The following LHFPL7 variants were observed in gnomAD, a reference collection of about 807,000 sequenced individuals.
The protein encoded by LHFPL7 is LHFPL tetraspan subfamily member 7, also known as LHFPL tetraspan subfamily member 7 protein.
At chr22:24,942,643 G>A in the LHFPL7 span, among the ~76,000 whole-genome samples, 1 of 152,218 alleles carries the variant, frequency 6.6e-6, no homozygotes, top group Admixed American at 6.5e-5. Context: ...CCTGGTGCGG[G>A]ACCTGGGGCA....
chr22:24,939,578 A>G, the LHFPL7 span: 1 of 701,510 alleles, frequency 1.4e-6, no homozygotes, highest in Non-Finnish European at 2.6e-6. Context: ...GAAGATTACT[A>G]ATGGAGACTG....
At chr22:24,945,469 T>C in the LHFPL7 span, among the ~76,000 whole-genome samples, 1 of 152,186 alleles carries the variant, frequency 6.6e-6, no homozygotes, top group Non-Finnish European at 1.5e-5. Context: ...AAGGTCAAGC[T>C]GATCAGATTT....
the LHFPL7 span, among the ~76,000 whole-genome samples, chr22:24,945,692 C>T: frequency 6.6e-6 from 1 of 152,226 alleles, no homozygotes; most frequent in South Asian, 2.1e-4. Context: ...CACAGCTCCA[C>T]ACCATGAAAA....
At chr22:24,943,651 T>C in the LHFPL7 span, among the ~76,000 whole-genome samples, 1 of 152,198 alleles carries the variant, frequency 6.6e-6, no homozygotes, top group Non-Finnish European at 1.5e-5. Context: ...CTGAGACTCA[T>C]ACTTTGGGAA....
chr22:24,945,933 C>G, the LHFPL7 span, among the ~76,000 whole-genome samples: 1 of 152,246 alleles, frequency 6.6e-6, no homozygotes, highest in East Asian at 1.9e-4. Flanking sequence ...TGTAACGGCT[C>G]TGAGCCTCAG....
the LHFPL7 span, chr22:24,935,577 C>T: frequency 6.2e-7 from 1 of 1,612,056 alleles, no homozygotes; most frequent in Admixed American, 1.7e-5. Flanking sequence ...AATCAGCAGA[C>T]CCACAATCAT....
the LHFPL7 span, among the ~76,000 whole-genome samples, chr22:24,937,812 G>T: frequency 6.6e-6 from 1 of 152,208 alleles, no homozygotes; most frequent in African/African-American, 2.4e-5. Flanking sequence ...GTTCTCAGCT[G>T]GGCATGCTTG....
chr22:24,941,380 G>A, the LHFPL7 span, among the ~76,000 whole-genome samples: 1 of 151,954 alleles, frequency 6.6e-6, no homozygotes, highest in Admixed American at 6.6e-5. Flanking sequence ...TGTTGGCCAG[G>A]CTAGCATTAC....
the LHFPL7 span, chr22:24,935,317 T>C: frequency 6.2e-7 from 1 of 1,606,776 alleles, no homozygotes. Context: ...CCCTTTGTGC[T>C]ACTCCCAGGA....
At chr22:24,945,614 C>G in the LHFPL7 span, among the ~76,000 whole-genome samples, 1 of 152,122 alleles carries the variant, frequency 6.6e-6, no homozygotes, top group Non-Finnish European at 1.5e-5. Flanking sequence ...TGTGAGGTTG[C>G]GTAAGCAAAG....
the LHFPL7 span, chr22:24,938,220 C>G: frequency 6.2e-7 from 1 of 1,614,004 alleles, no homozygotes; most frequent in Non-Finnish European, 8.5e-7. Context: ...GGCCACAGCC[C>G]AAGACAGGAG....
At chr22:24,937,711 A>G in the LHFPL7 span, among the ~76,000 whole-genome samples, 1 of 152,204 alleles carries the variant, frequency 6.6e-6, no homozygotes, top group African/African-American at 2.4e-5. Flanking sequence ...CTATGTATAA[A>G]TTACAGAAAA....
At chr22:24,945,694 C>T in the LHFPL7 span, among the ~76,000 whole-genome samples, 2 of 152,164 alleles carry the variant, frequency 1.3e-5, no homozygotes, top group African/African-American at 4.8e-5. Context: ...CAGCTCCACA[C>T]CATGAAAAAG....
At chr22:24,938,416 ATGC>A in the LHFPL7 span, 3 of 1,519,136 alleles carry the variant, frequency 2.0e-6, no homozygotes, top group East Asian at 7.0e-5. Context: ...GGGCAGGTGG[ATGC>A]TCCCCTGCTC....
the LHFPL7 span, chr22:24,935,729 G>T: frequency 8.3e-7 from 1 of 1,209,694 alleles, no homozygotes; most frequent in Non-Finnish European, 1.1e-6. Context: ...CTTATTTATT[G>T]GCTCATCTCT....
At chr22:24,942,356 A>G in the LHFPL7 span, among the ~76,000 whole-genome samples, 4 of 152,246 alleles carry the variant, frequency 2.6e-5, no homozygotes, top group African/African-American at 9.6e-5. Context: ...AATAATAGTC[A>G]TGGTTTCACG....
the LHFPL7 span, among the ~76,000 whole-genome samples, chr22:24,943,728 C>T: frequency 6.6e-6 from 1 of 152,120 alleles, no homozygotes; most frequent in African/African-American, 2.4e-5. Context: ...GCCAACGAAC[C>T]CAACGGCTTA....
At chr22:24,946,277 T>A in the LHFPL7 span, among the ~76,000 whole-genome samples, 1 of 151,910 alleles carries the variant, frequency 6.6e-6, no homozygotes, top group Non-Finnish European at 1.5e-5. Context: ...ACCACTGCAC[T>A]CCAGCCTGGG....
At chr22:24,944,920 C>T in the LHFPL7 span, among the ~76,000 whole-genome samples, 2 of 152,038 alleles carry the variant, frequency 1.3e-5, no homozygotes, top group Admixed American at 1.3e-4. Flanking sequence ...AGCAATTCTC[C>T]TGCCTCAGCC....
Sources: allele counts gnomAD v4.1 joint callset (sites outside exome capture counted in the v4.1 genomes callset), GRCh38; gene constraint gnomAD v4.1.1; transcripts MANE v1.5; gene names NCBI Gene and HGNC (gene_info 2026-07-23, HGNC 2026-07-21).